INSYN2A: variants seen among roughly 807,000 people sequenced by gnomAD.
INSYN2A encodes the protein inhibitory synaptic factor 2A.
Under a neutral mutation model 39.4 loss-of-function variants are expected in INSYN2A, and 17 were observed. The ratio of observed to expected loss-of-function variants is 0.43; its 90% CI spans 0.30 to 0.65. The LOEUF (loss-of-function observed/expected upper bound fraction) is 0.65. Among genes scored for constraint, INSYN2A ranks in the 30% least tolerant of loss-of-function variants. The probability of loss-of-function intolerance (pLI) is 0.14; values close to 1 mark genes in which losing one functional copy is unlikely to be tolerated. For synonymous variants in INSYN2A, 255 were observed against 265.7 expected (o/e 0.96, Z 0.39); for missense variants, 595 against 631.2 (o/e 0.94, Z 0.61).
chr10:127,140,529 C>T (rs935826997), intron 5 of INSYN2A, among the ~76,000 whole-genome samples: 2 of 152,146 alleles, frequency 1.3e-5, no homozygotes, highest in African/African-American at 2.4e-5. Context: ...AGCCAGGCAA[C>T]GTGTGCAGAG....
At chr10:127,154,760 CT>C (rs1270812315) in intron 4 of INSYN2A, among the ~76,000 whole-genome samples, 2 of 152,096 alleles carry the variant, frequency 1.3e-5, no homozygotes, top group African/African-American at 2.4e-5. Flanking sequence ...ATTCTCCCCC[CT>C]AATTAAAAAA....
At chr10:127,151,732 C>T (rs2052507278) in intron 5 of INSYN2A, among the ~76,000 whole-genome samples, 1 of 152,226 alleles carries the variant, frequency 6.6e-6, no homozygotes, top group Non-Finnish European at 1.5e-5. Flanking sequence ...GCCTCGCCCT[C>T]TACCTAGTGA....
At chr10:127,167,149 T>C (rs1183390140) in intron 4 of INSYN2A, among the ~76,000 whole-genome samples, 2 of 152,182 alleles carry the variant, frequency 1.3e-5, no homozygotes, top group Admixed American at 1.3e-4. Flanking sequence ...TATATAAATA[T>C]AAGCTATAAA....
intron 5 of INSYN2A, among the ~76,000 whole-genome samples, chr10:127,152,874 C>T (rs951943161): frequency 1.3e-5 from 2 of 152,182 alleles, no homozygotes; most frequent in Non-Finnish European, 2.9e-5. Flanking sequence ...TTTAAGGAAC[C>T]TGGGCCCTAT....
At chr10:127,184,774 G>A (rs541314849) in intron 2 of INSYN2A, among the ~76,000 whole-genome samples, 6 of 152,222 alleles carry the variant, frequency 3.9e-5, no homozygotes, top group Non-Finnish European at 5.9e-5. Context: ...TTCCAGGACC[G>A]CGCCCTGGTC....
intron 5 of INSYN2A, among the ~76,000 whole-genome samples, chr10:127,148,930 C>T (rs1005243960): frequency 1.3e-5 from 2 of 152,290 alleles, no homozygotes; most frequent in South Asian, 2.1e-4. Context: ...AAAGATGTAG[C>T]TGTGTCAACC....
chr10:127,175,227 TCTC>T lies in INSYN2A; in HGVS notation c.1166_1168del (p.Gly389del). 6.2e-7 allele frequency: 1 copy of T among 1,613,456 alleles called. No individual in the cohort carries two copies. Among genetic ancestry groups the T allele is most frequent in the Non-Finnish European group, 8.5e-7 (1 of 1,179,632 alleles). On this transcript the variant is annotated inframe_deletion, in exon 4 of 6. Coordinates refer to ENST00000522781, the MANE Select transcript of INSYN2A (RefSeq NM_001039762.3). The surrounding 1 kb of genome is among the most constrained non-coding windows in gnomAD (Gnocchi z 6.3). Reference sequence around the variant, plus strand: ...ACATACATACCCTTCCCGATGGGCCTCTCCTTTTTCCAACTCCTGAATGACCCC... The same window carrying T: ...ACATACATACCCTTCCCGATGGGCCTCTTTTTCCAACTCCTGAATGACCCC...
chr10:127,137,714 C>T lies in INSYN2A; in HGVS notation c.*123G>A, dbSNP rs1454582381. ...ACAAAGGCCTTTTTGGTACGCAGGG[C>T]GAGAAGTGGGAGGTGCCTGAATGGG... On this transcript the variant is annotated 3_prime_UTR_variant, in exon 6 of 6. Coordinates refer to ENST00000522781, the MANE Select transcript of INSYN2A (RefSeq NM_001039762.3). The T allele has an allele frequency of 1.2e-5, 10 of 865,950 alleles. No individual in the cohort carries two copies. Among genetic ancestry groups the T allele is most frequent in the Non-Finnish European group, 1.8e-5 (10 of 567,322 alleles). 53.6% of individuals were successfully genotyped at this position (865,950 alleles called of 1,614,324 possible).
rs536877763 is a variant in INSYN2A, at chr10:127,193,996, C to G, written c.-394-1266G>C. The stretch of plus-strand genomic sequence containing the variant: ...ATAAAGGGCCTGACTTACATGAAAG[C>G]TCAAAGTCTTAATCACAATGATAAA... On this transcript the variant is annotated intron_variant, in intron 1 of 5. Transcript: ENST00000522781. Among the ~76,000 whole-genome samples the G allele has an allele frequency of 7.9e-5, 12 of 152,288 alleles. No individual in the cohort carries two copies. In the South Asian group the frequency reaches 1.9e-3, roughly 24 times the overall value.
chr10:127,168,767 A>G (rs2133801194), intron 4 of INSYN2A, among the ~76,000 whole-genome samples: 1 of 152,354 alleles, frequency 6.6e-6, no homozygotes, highest in Middle Eastern at 3.4e-3. Flanking sequence ...GGAAGCCAGG[A>G]AATCAGACTC....
At chr10:127,140,516 AC>A (rs2051128866) in intron 5 of INSYN2A, among the ~76,000 whole-genome samples, 1 of 152,198 alleles carries the variant, frequency 6.6e-6, no homozygotes. Flanking sequence ...ACGCCCGTGC[AC>A]CAGCCAGGCA....
intron 1 of INSYN2A, among the ~76,000 whole-genome samples, chr10:127,194,146 C>T (rs1758872263): frequency 6.6e-6 from 1 of 152,158 alleles, no homozygotes; most frequent in African/African-American, 2.4e-5. Flanking sequence ...GTCTTTTAAA[C>T]AAAATGATGA....
At chr10:127,141,398 CAG>C (rs1224287196) in intron 5 of INSYN2A, among the ~76,000 whole-genome samples, 1 of 152,102 alleles carries the variant, frequency 6.6e-6, no homozygotes, top group African/African-American at 2.4e-5. Flanking sequence ...TGAATGAGAA[CAG>C]AGTCTTAAAA....
chr10:127,183,249 A>C (rs2055912011), intron 2 of INSYN2A, among the ~76,000 whole-genome samples: 1 of 152,104 alleles, frequency 6.6e-6, no homozygotes, highest in African/African-American at 2.4e-5. Context: ...CAATCAGGGC[A>C]GGATATCTGC....
rs572898434 is a variant in INSYN2A at position 127,144,307 on chromosome 10, C to T, written c.1257-6287G>A. The stretch of plus-strand genomic sequence containing the variant: ...AGAATAACAAAGTCCACCCTCCCCC[C>T]TGCCTCATCCACACACCTCTGGGAT... On this transcript the variant is annotated intron_variant, in intron 5 of 5. Transcript: ENST00000522781. 3.3e-5 allele frequency among the ~76,000 whole-genome samples: 5 copies of T among 152,314 alleles called. No homozygotes were observed. The South Asian group carries it at 1.0e-3, about 32-fold the overall frequency.
At chr10:127,157,172 C>T (rs2053165321) in intron 4 of INSYN2A, among the ~76,000 whole-genome samples, 1 of 152,188 alleles carries the variant, frequency 6.6e-6, no homozygotes, top group Admixed American at 6.5e-5. Context: ...CTAGAATGAA[C>T]TCTAAGGAGG....
At chr10:127,156,266 G>C (rs1266606487) in intron 4 of INSYN2A, among the ~76,000 whole-genome samples, 3 of 152,164 alleles carry the variant, frequency 2.0e-5, no homozygotes, top group Non-Finnish European at 4.4e-5. Flanking sequence ...TTACAGAGGA[G>C]CATACAGTCA....
chr10:127,144,274 G>A (rs2051571530), intron 5 of INSYN2A, among the ~76,000 whole-genome samples: 2 of 152,076 alleles, frequency 1.3e-5, no homozygotes, highest in South Asian at 4.1e-4. Context: ...TCTTTCTGTG[G>A]ATTTTCTAGA....
At chr10:127,153,990 G>A (rs2052772125) in intron 4 of INSYN2A, 67 bp from the exon 5 acceptor site, 4 of 1,148,964 alleles carry the variant, frequency 3.5e-6, no homozygotes, top group Non-Finnish European at 4.0e-6. Context: ...TAGAGCAGAT[G>A]CCTCAAATCA....
Sources: allele counts gnomAD v4.1 joint callset (sites outside exome capture counted in the v4.1 genomes callset), GRCh38; gene constraint gnomAD v4.1.1; non-coding constraint Gnocchi (gnomAD v3.1); transcripts MANE v1.5; gene names NCBI Gene and HGNC (gene_info 2026-07-23, HGNC 2026-07-21).